The following CDIN1 variants were observed in gnomAD, a reference collection of about 807,000 sequenced individuals.
CDIN1 encodes CDAN1 interacting nuclease 1, also known as CDAN1-interacting nuclease 1.
In CDIN1, 33 loss-of-function variants were observed where a neutral mutation model predicts 45.3. The observed-to-expected ratio is 0.73, with a 90% confidence interval of 0.55 to 0.97. The LOEUF (loss-of-function observed/expected upper bound fraction) is 0.97, where lower values mean the gene tolerates loss of function less well. CDIN1 is among the 50% of genes least tolerant of loss of function. CDIN1 has a pLI of 0.00. For missense variants in CDIN1, 303 were observed against 339.4 expected, an observed-to-expected ratio of 0.89 and a Z score of 0.84; for synonymous variants, 118 against 124.4, an observed-to-expected ratio of 0.95 and a Z score of 0.34.
chr15:36,689,296 CT>C (rs1356569178), intron 5 of CDIN1, among the ~76,000 whole-genome samples: 2 of 151,914 alleles, frequency 1.3e-5, no homozygotes, highest in African/African-American at 4.8e-5. Context: ...TGTCCCTTTT[CT>C]TTTTTTAAAA....
chr15:36,581,880 G>A (rs1200615650), intron 1 of CDIN1, among the ~76,000 whole-genome samples: 2 of 152,206 alleles, frequency 1.3e-5, no homozygotes, highest in Admixed American at 6.5e-5. Flanking sequence ...TTTTACCCAT[G>A]CCTGATTTGT....
chr15:36,692,924 A>G (rs182521825), intron 7 of CDIN1, among the ~76,000 whole-genome samples: 7 of 152,318 alleles, frequency 4.6e-5, no homozygotes, highest in Admixed American at 4.6e-4. Context: ...CAAAGGTGCT[A>G]TTTAAATGGT....
intron 3 of CDIN1, among the ~76,000 whole-genome samples, chr15:36,649,729 T>G (rs1566866269): frequency 6.6e-6 from 1 of 152,200 alleles, no homozygotes. Flanking sequence ...TCTAGACTAC[T>G]GCATAAACAA....
At chr15:36,757,763 C>T (rs1015380520) in intron 10 of CDIN1, among the ~76,000 whole-genome samples, 1 of 152,104 alleles carries the variant, frequency 6.6e-6, no homozygotes, top group South Asian at 2.1e-4. Context: ...TCCTCCTGAC[C>T]TACTGTCAGG....
intron 5 of CDIN1, among the ~76,000 whole-genome samples, chr15:36,690,933 A>G (rs2042226272): frequency 6.6e-6 from 1 of 152,134 alleles, no homozygotes; most frequent in Non-Finnish European, 1.5e-5. Flanking sequence ...AAAGGATGTC[A>G]CTTGCTATAG....
intron 5 of CDIN1, among the ~76,000 whole-genome samples, chr15:36,659,971 T>TTTC (rs1470683693): frequency 2.8e-5 from 4 of 144,358 alleles, no homozygotes; most frequent in Non-Finnish European, 6.1e-5. Flanking sequence ...CTTTTCTTTT[T>TTTC]TTTTTTTTTT....
chr15:36,773,976 G>A (rs2054143529), intron 10 of CDIN1, among the ~76,000 whole-genome samples: 2 of 152,192 alleles, frequency 1.3e-5, no homozygotes, highest in Non-Finnish European at 2.9e-5. Context: ...GTTTGGCATG[G>A]AATGTCCTCC....
chr15:36,770,420 T>C (rs1474802863), intron 10 of CDIN1, among the ~76,000 whole-genome samples: 3 of 147,396 alleles, frequency 2.0e-5, no homozygotes, highest in Non-Finnish European at 3.0e-5. Context: ...AAAAACACAA[T>C]CTCTTTCTGA....
intron 10 of CDIN1, among the ~76,000 whole-genome samples, chr15:36,789,304 C>A (rs2054585377): frequency 1.3e-5 from 2 of 152,166 alleles, no homozygotes; most frequent in Admixed American, 6.5e-5. Flanking sequence ...TCCAAAATTG[C>A]AGACCATTTT....
intron 1 of CDIN1, among the ~76,000 whole-genome samples, chr15:36,590,783 G>T (rs534958977): frequency 1.3e-5 from 2 of 152,264 alleles, no homozygotes; most frequent in Admixed American, 1.3e-4. Flanking sequence ...TATTTACAAG[G>T]TTTATCACTT....
chr15:36,808,564 C>G lies in CDIN1; in HGVS notation c.*111C>G. The G allele has an allele frequency of 7.1e-7, 1 of 1,401,950 alleles. No individual in the cohort carries two copies. Among genetic ancestry groups the G allele is most frequent in the Non-Finnish European group, 9.7e-7 (1 of 1,030,476 alleles). 86.8% of individuals were successfully genotyped at this position (1,401,950 alleles called of 1,614,324 possible). On this transcript the variant is annotated 3_prime_UTR_variant, in exon 11 of 11. Coordinates refer to ENST00000566621, the MANE Select transcript of CDIN1 (RefSeq NM_001321759.2). ...ATCTGCCCTGAACTTCAGCTGAACT[C>G]TTGCTGCCCGTAGTCACACCACTAC...
At chr15:36,612,767 A>G (rs956817349) in intron 1 of CDIN1, among the ~76,000 whole-genome samples, 1 of 152,170 alleles carries the variant, frequency 6.6e-6, no homozygotes, top group Non-Finnish European at 1.5e-5. Flanking sequence ...TGTTGTAAAG[A>G]TAGAGAGTTG....
intron 10 of CDIN1, among the ~76,000 whole-genome samples, chr15:36,716,422 G>A (rs541716951): frequency 1.7e-4 from 26 of 152,174 alleles, no homozygotes; most frequent in Non-Finnish European, 2.5e-4. Context: ...TACCAATATC[G>A]GGAGTATAGT....
At chr15:36,583,647 A>G (rs1188550587) in intron 1 of CDIN1, among the ~76,000 whole-genome samples, 1 of 152,218 alleles carries the variant, frequency 6.6e-6, no homozygotes, top group Non-Finnish European at 1.5e-5. Flanking sequence ...CAATTTTACC[A>G]TATGCTAATT....
intron 1 of CDIN1, among the ~76,000 whole-genome samples, chr15:36,638,544 G>T (rs1219302091): frequency 1.3e-5 from 2 of 152,144 alleles, no homozygotes; most frequent in East Asian, 3.9e-4. Flanking sequence ...AGACACTTCA[G>T]GCAATAGTGG....
At chr15:36,710,560 T>G (rs987336285) in intron 10 of CDIN1, among the ~76,000 whole-genome samples, 1 of 152,194 alleles carries the variant, frequency 6.6e-6, no homozygotes, top group African/African-American at 2.4e-5. Context: ...GAGAAAATGA[T>G]GTGCTGTAGA....
chr15:36,642,869 A>G (rs10851993), intron 1 of CDIN1, among the ~76,000 whole-genome samples: 145,252 of 152,248 alleles, frequency 0.95, 69,295 homozygotes, highest in East Asian at 1. Flanking sequence ...GAGGGGGTCT[A>G]TTTATGGCAC....
intron 10 of CDIN1, chr15:36,747,278 T>C (rs2044479665): frequency 3.2e-6 from 1 of 316,230 alleles, no homozygotes; most frequent in African/African-American, 2.1e-5. Context: ...CAAAATAATT[T>C]GCCTTTCAGG....
intron 10 of CDIN1, among the ~76,000 whole-genome samples, chr15:36,775,596 T>G (rs1419531366): frequency 6.6e-6 from 1 of 152,228 alleles, no homozygotes; most frequent in African/African-American, 2.4e-5. Context: ...AGAGTCTTGA[T>G]GTACCTTTAT....
Sources: allele counts gnomAD v4.1 joint callset (sites outside exome capture counted in the v4.1 genomes callset), GRCh38; gene constraint gnomAD v4.1.1; transcripts MANE v1.5; gene names NCBI Gene and HGNC (gene_info 2026-07-23, HGNC 2026-07-21).